The following ARHGEF2 variants were observed in gnomAD, a reference collection of about 807,000 sequenced individuals.
ARHGEF2 encodes the protein Rho/Rac guanine nucleotide exchange factor 2, also known as rho guanine nucleotide exchange factor 2.
A neutral mutation model predicts 121.0 loss-of-function variants in ARHGEF2; 22 were observed. The ratio of observed to expected loss-of-function variants is 0.18; its 90% CI spans 0.13 to 0.26. The LOEUF (loss-of-function observed/expected upper bound fraction) is 0.26. ARHGEF2 is among the 10% of genes least tolerant of loss of function. The pLI is 1.00. For synonymous variants in ARHGEF2, 487 were observed against 530.0 expected (o/e 0.92, Z 1.11); for missense variants, 907 against 1,336.0 (o/e 0.68, Z 5.01).
intron 1 of ARHGEF2, among the ~76,000 whole-genome samples, chr1:155,971,290 A>C (rs1680405521): frequency 6.6e-6 from 1 of 152,066 alleles, no homozygotes; most frequent in African/African-American, 2.4e-5. Flanking sequence ...TAGAAGTTCA[A>C]ATTCAGGCTG....
In ARHGEF2 at chr1:155,962,428, C is replaced by T; in HGVS notation, c.1101+165G>A. ...GTACTTGGGAAACTACCACAACGTG[C>T]TCTAGCATTCTGAGGGGTTACTGCT... On this transcript the variant is annotated intron_variant, in intron 9 of 21. Transcript: ENST00000361247. The surrounding 1 kb of genome is among the most constrained non-coding windows in gnomAD (Gnocchi z 5.8). 8.8e-7 allele frequency: 1 copy of T among 1,135,850 alleles called. No homozygotes were observed. Among genetic ancestry groups the T allele is most frequent in the Non-Finnish European group, 1.3e-6 (1 of 791,480 alleles). 70.4% of individuals were successfully genotyped at this position (1,135,850 alleles called of 1,614,324 possible).
intron 1 of ARHGEF2, among the ~76,000 whole-genome samples, chr1:155,974,148 A>G (rs755895021): frequency 5.9e-5 from 9 of 152,122 alleles, no homozygotes; most frequent in Non-Finnish European, 1.0e-4. Context: ...GGTCTTCCAA[A>G]ATGCTAGGAT....
At chr1:155,976,156 G>A (rs1681254802) in intron 1 of ARHGEF2, among the ~76,000 whole-genome samples, 1 of 151,968 alleles carries the variant, frequency 6.6e-6, no homozygotes, top group Non-Finnish European at 1.5e-5. Context: ...ATCCCCCCAA[G>A]GAGGTAGCAG....
chr1:155,978,274 G>T lies in ARHGEF2; in HGVS notation c.63+91C>A. The T allele has an allele frequency of 8.0e-7, 1 of 1,256,098 alleles. No homozygotes were observed. Among genetic ancestry groups the T allele is most frequent in the Non-Finnish European group, 1.0e-6 (1 of 969,476 alleles). The allele number at this position is 1,256,098 out of a possible 1,614,324, so 77.8% of individuals were successfully genotyped here. A position where few individuals can be genotyped will look rare whatever the true frequency, so the allele number is the denominator to read the frequency against. ...TCCGCCCGATTTTGGCGCCCAGAAAGCAGGCGGGGAGACAGGAGATGCACC... is the reference window on the plus strand; with the variant it reads ...TCCGCCCGATTTTGGCGCCCAGAAATCAGGCGGGGAGACAGGAGATGCACC... On this transcript the variant is annotated intron_variant, in intron 1 of 21. Transcript: ENST00000361247. This position sits in a 1 kb window ranked among gnomAD's most constrained non-coding sequence, Gnocchi z 4.1.
At chr1:155,973,416 A>G (rs1270137088) in intron 1 of ARHGEF2, among the ~76,000 whole-genome samples, 2 of 152,134 alleles carry the variant, frequency 1.3e-5, no homozygotes, top group African/African-American at 4.8e-5. Flanking sequence ...ACTTCCTTCC[A>G]CTGTCATCCC....
chr1:155,962,087 C>T lies in ARHGEF2; in HGVS notation c.1219+18G>A. On this transcript the variant is annotated intron_variant, in intron 10 of 21. Coordinates refer to ENST00000361247, the MANE Select transcript of ARHGEF2 (RefSeq NM_001162383.2). The surrounding 1 kb of genome is among the most constrained non-coding windows in gnomAD (Gnocchi z 5.8). Reference sequence around the variant, plus strand: ...GTGGCCGTCTCCCAGTGGCCCTCTCCTGGGCCTGCCTACTCACCGTGGGAA... The same window carrying T: ...GTGGCCGTCTCCCAGTGGCCCTCTCTTGGGCCTGCCTACTCACCGTGGGAA... 6.2e-7 allele frequency: 1 copy of T among 1,613,478 alleles called. No individual in the cohort carries two copies. Among genetic ancestry groups the T allele is most frequent in the Non-Finnish European group, 8.5e-7 (1 of 1,179,418 alleles).
Position 155,964,169 on chromosome 1 carries a change from T to A in ARHGEF2, c.724+819A>T, listed in dbSNP as rs867832261. Among the ~76,000 whole-genome samples the A allele has an allele frequency of 3.9e-3, 235 of 60,172 alleles. 2 individuals are homozygous for A. The highest frequency in any genetic ancestry group is 0.026 in the African/African-American group (219 of 8,340). The allele number at this position is 60,172 out of a possible 152,430, so 39.5% of individuals were successfully genotyped here. A position where few individuals can be genotyped will look rare whatever the true frequency, so the allele number is the denominator to read the frequency against. On this transcript the variant is annotated intron_variant, in intron 7 of 21. Transcript: ENST00000361247. The stretch of plus-strand genomic sequence containing the variant: ...CAAAAAAAAAAAAAAAAAAAAAAAA[T>A]ATATATATATATATATATATATATA...
In ARHGEF2 at chr1:155,951,049, C is replaced by T. The variant is rs1187054088; in HGVS notation, c.2483G>A (p.Arg828Gln). The change falls in exon 20 of 22, where the codon CGG (arginine) becomes CAG (glutamine). Residue 828 changes from arginine (R) to glutamine (Q), a missense_variant. By Grantham distance (43) the Arg-to-Gln change is conservative. Coordinates refer to ENST00000361247, the MANE Select transcript of ARHGEF2 (RefSeq NM_001162383.2). This position sits in a 1 kb window ranked among gnomAD's most constrained non-coding sequence, Gnocchi z 5.1. ...CTCCAGGCTGCCAGCTTCGGTTGCC[C>T]GTTCTTCACCTAGCCGCCGGCAGCG... ...LRRCRRLGEE[R>Q]ATEAGSLEAR... is the part of the protein sequence containing the mutation. 4 of 1,601,286 alleles carry T rather than the reference C, an allele frequency of 2.5e-6. No individual in the cohort carries two copies. The highest frequency in any genetic ancestry group is 3.4e-6 in the Non-Finnish European group (4 of 1,175,800).
At chr1:155,978,815 C>T (rs539841405), upstream of ARHGEF2, 9 of 962,162 alleles carry the variant, frequency 9.4e-6, no homozygotes, top group Admixed American at 6.0e-5. This position sits in a 1 kb window ranked among gnomAD's most constrained non-coding sequence, Gnocchi z 4.1. Flanking sequence ...AACCCAGCCC[C>T]GCAGCCCTCG....
intron 4 of ARHGEF2, among the ~76,000 whole-genome samples, chr1:155,966,135 C>T (rs985008645): frequency 2.0e-5 from 3 of 152,138 alleles, no homozygotes; most frequent in African/African-American, 4.8e-5. Flanking sequence ...CTGCTACCAA[C>T]ACTCCCGAAA....
intron 7 of ARHGEF2, among the ~76,000 whole-genome samples, chr1:155,964,174 A>ATATG (rs1310252718): frequency 0.14 from 11,256 of 78,112 alleles, 1,168 homozygotes; most frequent in East Asian, 0.48. Flanking sequence ...AAAAATATAT[A>ATATG]TATATATATA....
At chr1:155,976,173 C>T (rs1004121110) in intron 1 of ARHGEF2, among the ~76,000 whole-genome samples, 1 of 151,868 alleles carries the variant, frequency 6.6e-6, no homozygotes, top group Non-Finnish European at 1.5e-5. Flanking sequence ...GCAGGGGACA[C>T]CATCTTCTTC....
chr1:155,951,808 A>G lies in ARHGEF2; in HGVS notation c.2173-32T>C, dbSNP rs771059240. On this transcript the variant is annotated intron_variant, in intron 17 of 21. Coordinates refer to ENST00000361247, the MANE Select transcript of ARHGEF2 (RefSeq NM_001162383.2). This position sits in a 1 kb window ranked among gnomAD's most constrained non-coding sequence, Gnocchi z 5.1. ...AAATGGGCAAGAATGGGGAGTCAGC[A>G]GGCACACAAATCCTGGGTGCCTGCC... The G allele has an allele frequency of 1.2e-5, 20 of 1,613,730 alleles. No individual in the cohort carries two copies. The highest frequency in any genetic ancestry group is 1.6e-5 in the Non-Finnish European group (19 of 1,179,978).
At chr1:155,972,256 C>A (rs571804415) in intron 1 of ARHGEF2, 9 of 467,560 alleles carry the variant, frequency 1.9e-5, no homozygotes, top group Non-Finnish European at 2.2e-5. Flanking sequence ...AACACTCACC[C>A]TCTCTCGAAG....
chr1:155,977,753 C>T (rs1326566064), intron 1 of ARHGEF2, among the ~76,000 whole-genome samples: 4 of 152,190 alleles, frequency 2.6e-5, no homozygotes, highest in Non-Finnish European at 5.9e-5. Context: ...GCCGTCCCGA[C>T]CCCAGCCACC....
intron 14 of ARHGEF2, among the ~76,000 whole-genome samples, chr1:155,953,276 A>AC (rs1259339679): frequency 1.3e-5 from 2 of 151,132 alleles, no homozygotes; most frequent in African/African-American, 4.9e-5. Flanking sequence ...AAAAAAAAAA[A>AC]AAAAAGATTT....
chr1:155,973,549 C>T (rs1680819569), intron 1 of ARHGEF2, among the ~76,000 whole-genome samples: 3 of 152,088 alleles, frequency 2.0e-5, no homozygotes, highest in Admixed American at 2.0e-4. Flanking sequence ...AGTTTGAGAC[C>T]AGCCTGGCCA....
Position 155,962,006 on chromosome 1 carries a change from G to T in ARHGEF2, c.1220-97C>A, listed in dbSNP as rs1367142947. Reference sequence around the variant, plus strand: ...ATTCCACCTTTAGAGGCTGCCCAGGGTTTCACACCCGACCCCACCCTTCCT... The same window carrying T: ...ATTCCACCTTTAGAGGCTGCCCAGGTTTTCACACCCGACCCCACCCTTCCT... On this transcript the variant is annotated intron_variant, in intron 10 of 21. Transcript: ENST00000361247. This position sits in a 1 kb window ranked among gnomAD's most constrained non-coding sequence, Gnocchi z 5.8. 26 of 1,602,226 alleles carry T rather than the reference G, an allele frequency of 1.6e-5. No homozygotes were observed. In the South Asian group the frequency reaches 2.5e-4, roughly 16 times the overall value.
rs536357723 is a variant in ARHGEF2, at chr1:155,965,988, C to G, written c.341-228G>C. ...TCCCTGACATAAGCCTATAAACAAA[C>G]AGGAGCTCAGAAAGACAAAAAGACT... On this transcript the variant is annotated intron_variant, in intron 4 of 21. Coordinates refer to ENST00000361247, the MANE Select transcript of ARHGEF2 (RefSeq NM_001162383.2). The surrounding 1 kb of genome is among the most constrained non-coding windows in gnomAD (Gnocchi z 6.0). 1.1e-4 allele frequency among the ~76,000 whole-genome samples: 16 copies of G among 152,278 alleles called. No individual in the cohort carries two copies. Among genetic ancestry groups the G allele is most frequent in the Non-Finnish European group, 1.9e-4 (13 of 68,018 alleles).
Sources: allele counts gnomAD v4.1 joint callset (sites outside exome capture counted in the v4.1 genomes callset), GRCh38; gene constraint gnomAD v4.1.1; non-coding constraint Gnocchi (gnomAD v3.1); transcripts MANE v1.5; gene names NCBI Gene and HGNC (gene_info 2026-07-23, HGNC 2026-07-21).